DLGAP2: variants seen among roughly 807,000 people sequenced by gnomAD.
The protein encoded by DLGAP2 is disks large-associated protein 2.
A neutral mutation model predicts 100.3 loss-of-function variants in DLGAP2; 26 were observed. That is an observed-to-expected ratio of 0.26 (90% confidence interval 0.19 to 0.36). DLGAP2 has a LOEUF of 0.36. DLGAP2 is among the 10% of genes least tolerant of loss of function. The pLI, the probability that DLGAP2 is intolerant of heterozygous loss-of-function variation, is 1.00. For missense variants in DLGAP2, 1,858 were observed against 1,453.2 expected, an observed-to-expected ratio of 1.28 and a Z score of -4.53; for synonymous variants, 886 against 630.1, an observed-to-expected ratio of 1.41 and a Z score of -6.08.
chr8:1,504,983 GA>G, intron 4 of DLGAP2, among the ~76,000 whole-genome samples: 1 of 151,956 alleles, frequency 6.6e-6, no homozygotes. Context: ...ATAATTAAGA[GA>G]AAAAGCAAAA....
intron 3 of DLGAP2, among the ~76,000 whole-genome samples, chr8:1,343,361 G>C (rs1160528004): frequency 1.3e-5 from 2 of 152,152 alleles, no homozygotes; most frequent in Non-Finnish European, 2.9e-5. Flanking sequence ...AAGACTCACA[G>C]ACACGGCCAA....
In DLGAP2 at chr8:1,583,616, T is replaced by G. The variant is rs76726842; in HGVS notation, c.1442+17722T>G. Among the ~76,000 whole-genome samples, 84 of 152,308 alleles carry G rather than the reference T, an allele frequency of 5.5e-4. 1 individual carries two copies. The East Asian group carries it at 0.015, about 27-fold the overall frequency. On this transcript the variant is annotated intron_variant, in intron 6 of 14. Transcript: ENST00000637795. ...AAAGACCCTTCAGAGCCACTTCCTG[T>G]GTTTCTAAGCCCAGCAGTCCTGACG...
intron 3 of DLGAP2, among the ~76,000 whole-genome samples, chr8:1,336,008 A>G (rs1034518531): frequency 6.6e-6 from 1 of 152,076 alleles, no homozygotes. Flanking sequence ...CCAGGGGGGA[A>G]AACATCACAA....
intron 3 of DLGAP2, among the ~76,000 whole-genome samples, chr8:1,498,912 C>T (rs963000883): frequency 2.6e-5 from 4 of 152,216 alleles, no homozygotes; most frequent in African/African-American, 9.6e-5. Flanking sequence ...GCTAGAAGGC[C>T]ACACCGCACT....
At chr8:754,865 A>G (rs991569963) in intron 1 of DLGAP2, among the ~76,000 whole-genome samples, 3 of 152,150 alleles carry the variant, frequency 2.0e-5, no homozygotes, top group Non-Finnish European at 4.4e-5. Flanking sequence ...AAAGCAAGTA[A>G]GGAAGCAAGC....
chr8:1,146,795 C>G (rs998054671), intron 2 of DLGAP2, among the ~76,000 whole-genome samples: 4 of 152,228 alleles, frequency 2.6e-5, no homozygotes, highest in Non-Finnish European at 5.9e-5. Flanking sequence ...GAAGTGCAGC[C>G]TTTCAGAGTT....
chr8:1,413,238 A>G (rs1372196025), intron 3 of DLGAP2, among the ~76,000 whole-genome samples: 1 of 152,110 alleles, frequency 6.6e-6, no homozygotes, highest in Non-Finnish European at 1.5e-5. Context: ...TTAGCTATTT[A>G]TTTATAGTAT....
intron 2 of DLGAP2, among the ~76,000 whole-genome samples, chr8:1,205,465 A>G (rs1168915696): frequency 6.6e-6 from 1 of 152,162 alleles, no homozygotes; most frequent in African/African-American, 2.4e-5. Flanking sequence ...CACAGCCTCA[A>G]AAGCTTGGGA....
chr8:984,047 C>T (rs1243425576), intron 2 of DLGAP2, among the ~76,000 whole-genome samples: 6 of 152,136 alleles, frequency 3.9e-5, no homozygotes, highest in Non-Finnish European at 7.3e-5. Flanking sequence ...GGTGTGCGGG[C>T]GGTCACTCCT....
At position 1,473,962 on chromosome 8, in the gene DLGAP2, C is replaced by G. The variant is rs1401905242; in HGVS notation, c.107-27404C>G. On this transcript the variant is annotated intron_variant, in intron 3 of 14. Transcript: ENST00000637795. ...GTAAATTACCCAGTCTTGTATATGT[C>G]TTCATCAGCAGCATGAAAACAGACT... Among the ~76,000 whole-genome samples, 5 of 152,282 alleles carry G rather than the reference C, an allele frequency of 3.3e-5. No individual in the cohort carries two copies. The East Asian group carries it at 7.7e-4, about 24-fold the overall frequency.
intron 6 of DLGAP2, among the ~76,000 whole-genome samples, chr8:1,577,040 G>A (rs1186475587): frequency 3.9e-5 from 6 of 152,110 alleles, no homozygotes; most frequent in African/African-American, 7.2e-5. Flanking sequence ...TACAGTAACC[G>A]AGACAGGAGG....
chr8:1,202,404 G>A (rs1323169064), intron 2 of DLGAP2, among the ~76,000 whole-genome samples: 1 of 152,092 alleles, frequency 6.6e-6, no homozygotes, highest in Non-Finnish European at 1.5e-5. Context: ...CTGTTGTGGG[G>A]CGTGTGTGAG....
At chr8:1,112,825 T>C (rs779610792) in intron 2 of DLGAP2, among the ~76,000 whole-genome samples, 5 of 152,236 alleles carry the variant, frequency 3.3e-5, no homozygotes, top group Non-Finnish European at 7.3e-5. Flanking sequence ...CCCAGGGTTT[T>C]TATAATTTTG....
chr8:1,637,983 C>G (rs905676506), intron 8 of DLGAP2, among the ~76,000 whole-genome samples: 1 of 152,194 alleles, frequency 6.6e-6, no homozygotes, highest in Admixed American at 6.5e-5. Context: ...GAAGTAATGA[C>G]AAACGTCCCG....
intron 3 of DLGAP2, among the ~76,000 whole-genome samples, chr8:1,307,250 A>G (rs1800512329): frequency 6.6e-6 from 1 of 152,220 alleles, no homozygotes; most frequent in Non-Finnish European, 1.5e-5. Context: ...AAGATTCACA[A>G]ATGACCAATA....
intron 2 of DLGAP2, among the ~76,000 whole-genome samples, chr8:1,026,392 G>A (rs1313109938): frequency 6.6e-6 from 1 of 152,148 alleles, no homozygotes; most frequent in African/African-American, 2.4e-5. Flanking sequence ...GTACTGTCTG[G>A]CTTTGTGGAC....
At chr8:1,089,826 A>G (rs548161035) in intron 2 of DLGAP2, among the ~76,000 whole-genome samples, 3 of 152,324 alleles carry the variant, frequency 2.0e-5, no homozygotes, top group African/African-American at 7.2e-5. Context: ...CCACATTGTG[A>G]TCAGACCTGA....
chr8:1,516,624 G>A (rs1271052309), intron 4 of DLGAP2, among the ~76,000 whole-genome samples: 6 of 147,666 alleles, frequency 4.1e-5, no homozygotes, highest in Non-Finnish European at 6.0e-5. Context: ...AATCAGGGAG[G>A]GAAGGAGTGA....
At chr8:1,426,287 T>G (rs567103257) in intron 3 of DLGAP2, among the ~76,000 whole-genome samples, 1 of 152,276 alleles carries the variant, frequency 6.6e-6, no homozygotes, top group South Asian at 2.1e-4. Flanking sequence ...ACTAAGGAAT[T>G]TGGAGACCTA....
Sources: gnomAD v4.1 joint callset for allele counts (sites outside exome capture counted in the v4.1 genomes callset) on GRCh38, gnomAD v4.1.1 for gene constraint, MANE v1.5 for transcripts, NCBI Gene and HGNC (gene_info 2026-07-23, HGNC 2026-07-21) for gene names.